The following HSD17B3 variants were observed in gnomAD, a reference collection of about 807,000 sequenced individuals.
The protein encoded by HSD17B3 is 17-beta-hydroxysteroid dehydrogenase type 3.
In HSD17B3, 29 loss-of-function variants were observed where a neutral mutation model predicts 41.1. That is an observed-to-expected ratio of 0.71 (90% confidence interval 0.53 to 0.96). HSD17B3 has a LOEUF of 0.96. Among genes scored for constraint, HSD17B3 ranks in the 40% least tolerant of loss-of-function variants. The pLI, the probability that HSD17B3 is intolerant of heterozygous loss-of-function variation, is 0.00. For missense variants in HSD17B3, 323 were observed against 374.6 expected, an observed-to-expected ratio of 0.86 and a Z score of 1.14; for synonymous variants, 126 against 145.6, an observed-to-expected ratio of 0.87 and a Z score of 0.97.
chr9:96,239,859 C>G (rs971014868), intron 10 of HSD17B3: 7 of 152,190 alleles, frequency 4.6e-5, no homozygotes, highest in Non-Finnish European at 8.8e-5. Flanking sequence ...TAAAAGCAGT[C>G]CAGGAGTGGT....
rs2130805036 is a variant in HSD17B3, at chr9:96,302,030, C to G, written c.75G>C (p.Val25=). 6.2e-7 allele frequency: 1 copy of G among 1,614,176 alleles called. No individual in the cohort carries two copies. Among genetic ancestry groups the G allele is most frequent in the Non-Finnish European group, 8.5e-7 (1 of 1,180,036 alleles). Residue 25 remains valine, a synonymous_variant, in exon 1 of 11, where the codon GTG becomes GTC. Transcript: ENST00000375263. Reference sequence around the variant, plus strand: ...TCAGTAAAACACATCTGGAGAATCTCACGCACTTCGCCAGGCAGGCCAGGC... The same window carrying G: ...TCAGTAAAACACATCTGGAGAATCTGACGCACTTCGCCAGGCAGGCCAGGC... The part of the protein sequence containing the change: ...LVCLACLAKC[V]RFSRCVLLNY...
intron 2 of HSD17B3, among the ~76,000 whole-genome samples, chr9:96,257,884 G>C (rs1825728694): frequency 6.6e-6 from 1 of 152,136 alleles, no homozygotes; most frequent in Admixed American, 6.5e-5. Flanking sequence ...GGCTGGTCTT[G>C]AACTCCTGGG....
At chr9:96,252,752 G>A in intron 4 of HSD17B3, 51 bp downstream of exon 4, 1 of 917,324 alleles carries the variant, frequency 1.1e-6, no homozygotes, top group South Asian at 1.3e-5. Flanking sequence ...TCAGTGTCAG[G>A]TTATTTCACT....
In HSD17B3 at chr9:96,249,785, C is replaced by G; in HGVS notation, c.455G>C (p.Ser152Thr). Residue 152 changes from serine to threonine, a missense_variant and splice_region_variant, in exon 6 of 11, where the codon AGC becomes ACC. Transcript: ENST00000375263. The part of the protein sequence containing the change: ...HFLNAPDEIQ[S>T]LIHCNITSVV... Reference sequence around the variant, plus strand: ...GGAGGTGATGTTACAATGGATGAGGCTCTGTAATAAATAATCACAACCACA... The same window carrying G: ...GGAGGTGATGTTACAATGGATGAGGGTCTGTAATAAATAATCACAACCACA... 6.2e-7 allele frequency: 1 copy of G among 1,614,036 alleles called. No individual in the cohort carries two copies. The highest frequency in any genetic ancestry group is 8.5e-7 in the Non-Finnish European group (1 of 1,179,964).
intron 2 of HSD17B3, among the ~76,000 whole-genome samples, chr9:96,278,160 T>C (rs932360910): frequency 1.1e-4 from 16 of 152,090 alleles, no homozygotes; most frequent in African/African-American, 3.6e-4. Flanking sequence ...AGAGAACTAA[T>C]AGACATAGTT....
At chr9:96,289,009 T>C (rs1343220856) in intron 2 of HSD17B3, among the ~76,000 whole-genome samples, 1 of 151,082 alleles carries the variant, frequency 6.6e-6, no homozygotes, top group Non-Finnish European at 1.5e-5. Context: ...CTCAGGAGGC[T>C]GAGGTGAGAG....
chr9:96,259,115 C>T (rs1401351700), intron 2 of HSD17B3, among the ~76,000 whole-genome samples: 3 of 152,168 alleles, frequency 2.0e-5, no homozygotes, highest in Non-Finnish European at 4.4e-5. Context: ...GACCCGCATC[C>T]TTTCTGCTTG....
At chr9:96,261,591 G>A (rs1825863284) in intron 2 of HSD17B3, among the ~76,000 whole-genome samples, 1 of 152,218 alleles carries the variant, frequency 6.6e-6, no homozygotes, top group East Asian at 1.9e-4. Flanking sequence ...GCAGGGTGGG[G>A]TGCATTCGCC....
chr9:96,248,740 C>T (rs973830922), intron 6 of HSD17B3, among the ~76,000 whole-genome samples: 14 of 152,190 alleles, frequency 9.2e-5, no homozygotes, highest in Admixed American at 6.5e-4. Flanking sequence ...CATCTACTCA[C>T]CAAGTCACAC....
At chr9:96,246,895 T>C (rs1412193958) in intron 6 of HSD17B3, among the ~76,000 whole-genome samples, 1 of 152,166 alleles carries the variant, frequency 6.6e-6, no homozygotes, top group African/African-American at 2.4e-5. Context: ...CTTACAGCTG[T>C]GGGACCAACA....
intron 2 of HSD17B3, among the ~76,000 whole-genome samples, chr9:96,273,936 C>T (rs1826356078): frequency 6.6e-6 from 1 of 152,156 alleles, no homozygotes; most frequent in South Asian, 2.1e-4. Flanking sequence ...CCACCAAAGC[C>T]AGTTAATAAA....
chr9:96,298,530 G>A lies in HSD17B3; in HGVS notation c.155-68C>T, dbSNP rs370546078. 5.1e-5 allele frequency: 69 copies of A among 1,357,990 alleles called. No individual in the cohort carries two copies. The South Asian group carries it at 6.4e-4, about 13-fold the overall frequency. The allele number at this position is 1,357,990 out of a possible 1,614,324, so 84.1% of individuals were successfully genotyped here. A position where few individuals can be genotyped will look rare whatever the true frequency, so the allele number is the denominator to read the frequency against. On this transcript the variant is annotated intron_variant, in intron 1 of 10. Transcript: ENST00000375263. ...TAAACTTCTCTTTCTCACTGGCCAC[G>A]TTTTCTCACAAGCCTAGTCTCCAGG...
At chr9:96,255,367 C>CTGTTTTTTTTT (rs1825597760) in intron 2 of HSD17B3, among the ~76,000 whole-genome samples, 1 of 54,546 alleles carries the variant, frequency 1.8e-5, no homozygotes, top group Non-Finnish European at 3.4e-5. Flanking sequence ...CCCAACATTT[C>CTGTTTTTTTTT]TTTTTTTTTT....
rs74784786 is a variant in HSD17B3, at chr9:96,247,952, G to A, written c.490-1362C>T. ...TCTAACCAGCATGGTTCACTGGGGC[G>A]TGGTATACTTAGAAGCTAAACTTCA... On this transcript the variant is annotated intron_variant, in intron 6 of 10. Transcript: ENST00000375263. Among the ~76,000 whole-genome samples the A allele has an allele frequency of 2.3e-3, 353 of 152,320 alleles. 2 individuals are homozygous for A. The highest frequency in any genetic ancestry group is 7.4e-3 in the African/African-American group (306 of 41,570).
At chr9:96,274,321 C>T (rs1240543858) in intron 2 of HSD17B3, among the ~76,000 whole-genome samples, 1 of 152,072 alleles carries the variant, frequency 6.6e-6, no homozygotes, top group Admixed American at 6.5e-5. Context: ...CACCTGTAAT[C>T]CCAGCTACTC....
chr9:96,250,361 A>G (rs1836846769), intron 5 of HSD17B3: 1 of 1,074,206 alleles, frequency 9.3e-7, no homozygotes, highest in African/African-American at 1.6e-5. Flanking sequence ...GACAGAGCCC[A>G]CACAGGAGAT....
intron 2 of HSD17B3, among the ~76,000 whole-genome samples, chr9:96,269,909 G>GAAAAAAAA (rs59947729): frequency 9.6e-6 from 1 of 103,880 alleles, no homozygotes; most frequent in Non-Finnish European, 1.9e-5. Flanking sequence ...ATCTTAAAAA[G>GAAAAAAAA]AAAAAAAAAA....
At position 96,252,874 on chromosome 9, in the gene HSD17B3, G is replaced by C. The variant is rs775606025; in HGVS notation, c.314C>G (p.Ala105Gly). 6.2e-7 allele frequency: 1 copy of C among 1,613,184 alleles called. No individual in the cohort carries two copies. Among genetic ancestry groups the C allele is most frequent in the Non-Finnish European group, 8.5e-7 (1 of 1,179,280 alleles). The change falls in exon 4 of 11, where the codon GCA becomes GGA. Residue 105 changes from alanine to glycine, a missense_variant. By Grantham distance (60) the Ala-to-Gly change is moderately conservative. Transcript: ENST00000375263. ...GTAGATGTCATCTTTTGTAAAATCT[G>C]CTTGTATAATCTTCACACTCCTCCC... ...TTGRSVKIIQADFTKDDIYEH... is the reference protein window; with the variant it reads ...TTGRSVKIIQGDFTKDDIYEH...
chr9:96,276,107 TAAAAAAAAA>T (rs57386167), intron 2 of HSD17B3, among the ~76,000 whole-genome samples: 2 of 41,152 alleles, frequency 4.9e-5, no homozygotes, highest in African/African-American at 9.9e-5. Flanking sequence ...TCCTGTCTCA[TAAAAAAAAA>T]AAAAAAAAAA....
Sources: gnomAD v4.1 joint callset for allele counts (sites outside exome capture counted in the v4.1 genomes callset) on GRCh38, gnomAD v4.1.1 for gene constraint, MANE v1.5 for transcripts, NCBI Gene and HGNC (gene_info 2026-07-23, HGNC 2026-07-21) for gene names.